CYYR1: variants seen among roughly 807,000 people sequenced by gnomAD.
CYYR1 encodes the protein cysteine and tyrosine-rich protein 1.
Under a neutral mutation model 15.2 loss-of-function variants are expected in CYYR1, and 14 were observed. The ratio of observed to expected loss-of-function variants is 0.92; its 90% CI spans 0.61 to 1.44. The LOEUF (loss-of-function observed/expected upper bound fraction) is 1.44, where lower values mean the gene tolerates loss of function less well. Ranked by LOEUF, CYYR1 falls within the 40% of genes most tolerant of loss-of-function variation. CYYR1 has a pLI of 0.00. For missense variants in CYYR1, 228 were observed against 209.5 expected (o/e 1.09, Z -0.54); for synonymous variants, 80 against 77.4 (o/e 1.03, Z -0.18).
chr21:26,473,241 C>A (rs970455654), intron 3 of CYYR1, among the ~76,000 whole-genome samples: 2 of 151,992 alleles, frequency 1.3e-5, no homozygotes, highest in Non-Finnish European at 2.9e-5. Context: ...CATCTACTCT[C>A]CCCCAAACCC....
chr21:26,500,795 T>A (rs1180450107), intron 2 of CYYR1, among the ~76,000 whole-genome samples: 1 of 152,158 alleles, frequency 6.6e-6, no homozygotes, highest in East Asian at 1.9e-4. Context: ...AAGCCTTGCA[T>A]GAAGTCTAAG....
Position 26,468,352 on chromosome 21 carries a change from A to T in CYYR1, c.*149T>A. 1.4e-6 allele frequency: 1 copy of T among 698,922 alleles called. No homozygotes were observed. Among genetic ancestry groups the T allele is most frequent in the South Asian group, 1.6e-5 (1 of 64,376 alleles). 43.3% of individuals were successfully genotyped at this position (698,922 alleles called of 1,614,324 possible). A position where few individuals can be genotyped will look rare whatever the true frequency, so the allele number is the denominator to read the frequency against. On this transcript the variant is annotated 3_prime_UTR_variant, in exon 4 of 4. Transcript: ENST00000652641. ...CAGCTTTGAGCAGAGTAGAAATCCTATATCTCCTAGCAGGGATATTCCACC... is the reference window on the plus strand; with the variant it reads ...CAGCTTTGAGCAGAGTAGAAATCCTTTATCTCCTAGCAGGGATATTCCACC...
intron 2 of CYYR1, among the ~76,000 whole-genome samples, chr21:26,492,230 T>C (rs746560029): frequency 1.3e-5 from 2 of 152,240 alleles, no homozygotes; most frequent in Non-Finnish European, 2.9e-5. Flanking sequence ...ATCCATTAGA[T>C]CTCAATCTCA....
At chr21:26,544,218 A>T (rs142765108) in intron 2 of CYYR1, among the ~76,000 whole-genome samples, 87 of 152,290 alleles carry the variant, frequency 5.7e-4, no homozygotes, top group Admixed American at 1.1e-3. Context: ...ATACAGGAAA[A>T]CTGTTCAGCT....
At chr21:26,565,567 C>A (rs577510909) in intron 2 of CYYR1, among the ~76,000 whole-genome samples, 37 of 152,284 alleles carry the variant, frequency 2.4e-4, no homozygotes, top group Middle Eastern at 3.4e-3. Flanking sequence ...ACTTTTCCAG[C>A]CGTACAGCCC....
At chr21:26,501,079 C>T (rs970020275) in intron 2 of CYYR1, among the ~76,000 whole-genome samples, 4 of 152,206 alleles carry the variant, frequency 2.6e-5, no homozygotes, top group Non-Finnish European at 5.9e-5. Context: ...GTGACTTACG[C>T]CTGTAATCCC....
intron 2 of CYYR1, among the ~76,000 whole-genome samples, chr21:26,526,355 G>A (rs2088548973): frequency 6.6e-6 from 1 of 152,102 alleles, no homozygotes; most frequent in African/African-American, 2.4e-5. Flanking sequence ...GGCTGAGGCA[G>A]GAGATTCGCT....
At chr21:26,506,678 C>T (rs17002239) in intron 2 of CYYR1, 3,224 of 152,262 alleles carry the variant, frequency 0.021, 119 homozygotes, top group African/African-American at 0.073. Context: ...TTACCCTGGA[C>T]ACCTGACCCA....
At chr21:26,482,206 TGAGCCAAGCAATGTACCA>T (rs1435767913) in intron 2 of CYYR1, 21 of 782,506 alleles carry the variant, frequency 2.7e-5, no homozygotes, top group African/African-American at 3.8e-5. Flanking sequence ...TGCTATCTGC[TGAGCCAAGCAATGTACCA>T]TAGTTAACTT....
chr21:26,475,229 C>T (rs945777463), intron 3 of CYYR1, among the ~76,000 whole-genome samples: 2 of 151,922 alleles, frequency 1.3e-5, no homozygotes, highest in African/African-American at 4.8e-5. Flanking sequence ...ACCTCAAATA[C>T]CTCCTCAGTT....
chr21:26,514,929 T>G (rs891876422), intron 2 of CYYR1, among the ~76,000 whole-genome samples: 2 of 152,208 alleles, frequency 1.3e-5, no homozygotes, highest in African/African-American at 2.4e-5. Flanking sequence ...TCATACTTCT[T>G]CAATAAATAT....
intron 2 of CYYR1, among the ~76,000 whole-genome samples, chr21:26,524,029 A>G: frequency 6.6e-6 from 1 of 152,178 alleles, no homozygotes; most frequent in East Asian, 1.9e-4. Flanking sequence ...CATAATTTCC[A>G]TCAGAAAAAT....
intron 2 of CYYR1, among the ~76,000 whole-genome samples, chr21:26,558,348 T>C (rs1009674780): frequency 6.6e-6 from 1 of 152,190 alleles, no homozygotes; most frequent in African/African-American, 2.4e-5. Flanking sequence ...TCTTGAGATA[T>C]TTAATTTAAA....
intron 2 of CYYR1, among the ~76,000 whole-genome samples, chr21:26,523,362 G>T (rs1411403141): frequency 1.3e-5 from 2 of 151,996 alleles, no homozygotes; most frequent in Non-Finnish European, 2.9e-5. Context: ...TTGTGTCTCT[G>T]CTTCTTTTCT....
intron 2 of CYYR1, among the ~76,000 whole-genome samples, chr21:26,527,175 A>C (rs2065877469): frequency 6.6e-6 from 1 of 152,172 alleles, no homozygotes; most frequent in Admixed American, 6.5e-5. Flanking sequence ...CATTTGGAAC[A>C]AATTAGAGCT....
At chr21:26,517,979 C>T (rs1425420588) in intron 2 of CYYR1, among the ~76,000 whole-genome samples, 1 of 152,190 alleles carries the variant, frequency 6.6e-6, no homozygotes, top group African/African-American at 2.4e-5. Context: ...ATTCCTCTCA[C>T]CTGACCCTGA....
intron 2 of CYYR1, among the ~76,000 whole-genome samples, chr21:26,512,219 G>T (rs1481070693): frequency 6.6e-6 from 1 of 151,160 alleles, no homozygotes; most frequent in Non-Finnish European, 1.5e-5. Flanking sequence ...TTTTTTTTGA[G>T]ACAGAGTCTC....
At chr21:26,534,664 G>A (rs534555869) in intron 2 of CYYR1, among the ~76,000 whole-genome samples, 2 of 152,204 alleles carry the variant, frequency 1.3e-5, no homozygotes, top group Admixed American at 1.3e-4. Context: ...TATACCTACT[G>A]TCTCTGCATT....
chr21:26,476,782 T>C (rs2065111181), intron 3 of CYYR1, among the ~76,000 whole-genome samples: 1 of 152,120 alleles, frequency 6.6e-6, no homozygotes, highest in Non-Finnish European at 1.5e-5. Flanking sequence ...TTGTTACAGT[T>C]TTACTATATT....
Sources: gnomAD v4.1 joint callset for allele counts (sites outside exome capture counted in the v4.1 genomes callset) on GRCh38, gnomAD v4.1.1 for gene constraint, MANE v1.5 for transcripts, NCBI Gene and HGNC (gene_info 2026-07-23, HGNC 2026-07-21) for gene names.